SYT11: variants seen among roughly 807,000 people sequenced by gnomAD.
SYT11 encodes synaptotagmin 11, also known as synaptotagmin-11.
SYT11 carries 12 observed loss-of-function variants against 30.4 expected under a neutral mutation model. The ratio of observed to expected loss-of-function variants is 0.39; its 90% CI spans 0.25 to 0.64. The LOEUF (loss-of-function observed/expected upper bound fraction) is 0.64. Among genes scored for constraint, SYT11 ranks in the 30% least tolerant of loss-of-function variants. The pLI is 0.45. For missense variants in SYT11, 412 were observed against 552.0 expected, an observed-to-expected ratio of 0.75 and a Z score of 2.54; for synonymous variants, 204 against 216.0, an observed-to-expected ratio of 0.94 and a Z score of 0.49.
chr1:155,865,297 G>A (rs1672651396), intron 1 of SYT11, among the ~76,000 whole-genome samples: 1 of 152,160 alleles, frequency 6.6e-6, no homozygotes, highest in Non-Finnish European at 1.5e-5. Context: ...CGGGGCTCAC[G>A]ATAAGTGAAG....
At chr1:155,879,799 C>G (rs551825759) in intron 2 of SYT11, among the ~76,000 whole-genome samples, 1 of 152,358 alleles carries the variant, frequency 6.6e-6, no homozygotes, top group South Asian at 2.1e-4. Flanking sequence ...CTTATTTAAT[C>G]CTTCTGATAA....
At chr1:155,873,649 C>T (rs918070195) in intron 2 of SYT11, among the ~76,000 whole-genome samples, 2 of 152,082 alleles carry the variant, frequency 1.3e-5, no homozygotes, top group Admixed American at 6.6e-5. Context: ...AGATCAGTGC[C>T]GTCTAATGAT....
At chr1:155,874,059 A>G (rs1025443651) in intron 2 of SYT11, among the ~76,000 whole-genome samples, 1 of 151,778 alleles carries the variant, frequency 6.6e-6, no homozygotes, top group Non-Finnish European at 1.5e-5. Flanking sequence ...CCAGCACTTA[A>G]GGAGGCTGAG....
Position 155,881,571 on chromosome 1 carries a change from G to A in SYT11, c.*63G>A, listed in dbSNP as rs1280591243. 6.8e-7 allele frequency: 1 copy of A among 1,473,114 alleles called. No homozygotes were observed. Among genetic ancestry groups the A allele is most frequent in the African/African-American group, 1.4e-5 (1 of 70,770 alleles). 91.3% of individuals were successfully genotyped at this position (1,473,114 alleles called of 1,614,324 possible). A position where few individuals can be genotyped will look rare whatever the true frequency, so the allele number is the denominator to read the frequency against. On this transcript the variant is annotated 3_prime_UTR_variant, in exon 4 of 4. Transcript: ENST00000368324. ...TGGGGAGGGATGTGGAGGGGAAAAA[G>A]ATGACAGAGAAGTGGACTCCAAACC... is the stretch of plus-strand genomic sequence containing the variant.
intron 2 of SYT11, among the ~76,000 whole-genome samples, chr1:155,873,276 A>C (rs1425583062): frequency 6.6e-6 from 1 of 152,124 alleles, no homozygotes; most frequent in South Asian, 2.1e-4. Flanking sequence ...AAATACAAAA[A>C]TTAGCTGGGC....
At chr1:155,867,279 G>A (rs1324943758) in intron 1 of SYT11, among the ~76,000 whole-genome samples, 5 of 152,016 alleles carry the variant, frequency 3.3e-5, no homozygotes, top group Admixed American at 2.6e-4. Context: ...GTCTGGTCTT[G>A]AACTCCTGAC....
At chr1:155,862,451 A>G (rs1672608229) in intron 1 of SYT11, among the ~76,000 whole-genome samples, 2 of 152,206 alleles carry the variant, frequency 1.3e-5, no homozygotes, top group African/African-American at 4.8e-5. Context: ...AACAGCAAAA[A>G]TAGGAAACAA....
At position 155,864,947 on chromosome 1, in the gene SYT11, G is replaced by A. The variant is rs533519959; in HGVS notation, c.35-3018G>A. The stretch of plus-strand genomic sequence containing the variant: ...GCTGGTCTCGAACTCCTGACCTCAG[G>A]TGATCTGCCTACCTCAGCCTCCCAA... On this transcript the variant is annotated intron_variant, in intron 1 of 3. Transcript: ENST00000368324. Among the ~76,000 whole-genome samples the A allele has an allele frequency of 6.6e-4, 100 of 152,122 alleles. 1 individual carries two copies. Among genetic ancestry groups the A allele is most frequent in the Non-Finnish European group, 8.5e-4 (58 of 67,986 alleles).
chr1:155,870,452 T>C (rs1672763884), intron 2 of SYT11, among the ~76,000 whole-genome samples: 1 of 152,202 alleles, frequency 6.6e-6, no homozygotes, highest in Admixed American at 6.5e-5. Flanking sequence ...TTATATTTTG[T>C]TTTGACACAG....
At chr1:155,865,853 A>AT (rs1672663692) in intron 1 of SYT11, among the ~76,000 whole-genome samples, 2 of 151,180 alleles carry the variant, frequency 1.3e-5, no homozygotes, top group African/African-American at 4.9e-5. Context: ...AATTTTTGTA[A>AT]TTTTTTTGTG....
rs1216203825 is a variant in SYT11 at position 155,881,787 on chromosome 1, G to A, written c.*279G>A. The stretch of plus-strand genomic sequence containing the variant: ...CTTGTTGCCCGGGCTGGAGTGCAAT[G>A]GTGAGATCTCAACTCACTGCAACCT... On this transcript the variant is annotated 3_prime_UTR_variant, in exon 4 of 4. Transcript: ENST00000368324. 4.2e-6 allele frequency: 1 copy of A among 240,530 alleles called. No individual in the cohort carries two copies. Among genetic ancestry groups the A allele is most frequent in the Non-Finnish European group, 8.0e-6 (1 of 124,524 alleles). The allele number at this position is 240,530 out of a possible 1,614,324, so 14.9% of individuals were successfully genotyped here.
chr1:155,879,447 T>A (rs1188510686), intron 2 of SYT11, among the ~76,000 whole-genome samples: 1 of 151,474 alleles, frequency 6.6e-6, no homozygotes, highest in Admixed American at 6.6e-5. Flanking sequence ...GACTAGAGGT[T>A]TTTTCAAGCT....
chr1:155,880,585 G>C lies in SYT11; in HGVS notation c.947G>C (p.Arg316Thr). 1 of 1,614,112 alleles carries C rather than the reference G, an allele frequency of 6.2e-7. No individual in the cohort carries two copies. Among genetic ancestry groups the C allele is most frequent in the South Asian group, 1.1e-5 (1 of 91,082 alleles). Reference sequence around the variant, plus strand: ...ATGACAGTGGTGGTCCTCAAAGCCAGACACTTGCCGAAGATGGATATCACC... The same window carrying C: ...ATGACAGTGGTGGTCCTCAAAGCCACACACTTGCCGAAGATGGATATCACC... The part of the protein sequence containing the change: ...QRMTVVVLKA[R>T]HLPKMDITGL... Residue 316 changes from arginine to threonine, a missense_variant, in exon 3 of 4, where the codon AGA (arginine) becomes ACA (threonine). Coordinates refer to ENST00000368324, the MANE Select transcript of SYT11 (RefSeq NM_152280.5).
chr1:155,878,577 T>C (rs571104284), intron 2 of SYT11, among the ~76,000 whole-genome samples: 1 of 151,796 alleles, frequency 6.6e-6, no homozygotes, highest in African/African-American at 2.4e-5. Flanking sequence ...CTTCCCTGAA[T>C]CTCCATGGCC....
At chr1:155,859,824 A>G (rs1484344089) in intron 1 of SYT11, 29 bp downstream of exon 1, 8 of 1,611,598 alleles carry the variant, frequency 5.0e-6, no homozygotes, top group Non-Finnish European at 6.8e-6. Context: ...ACTAAGCTTG[A>G]GGTGGTCAGA....
Position 155,868,074 on chromosome 1 carries a change from G to T in SYT11, c.144G>T (p.Gln48His). Residue 48 changes from glutamine (Q) to histidine (H), a missense_variant, in exon 2 of 4, where the codon CAG becomes CAT. Gln to His is a conservative substitution (Grantham distance 24). Coordinates refer to ENST00000368324, the MANE Select transcript of SYT11 (RefSeq NM_152280.5). The surrounding 1 kb of genome is among the most constrained non-coding windows in gnomAD (Gnocchi z 4.7). Reference sequence around the variant, plus strand: ...GCCACCAGCAGGCAGAGAAGAAGCAGAAGAACCCACCATACAAGTTTATTC... The same window carrying T: ...GCCACCAGCAGGCAGAGAAGAAGCATAAGAACCCACCATACAAGTTTATTC... The part of the protein sequence containing the change: ...SCCHQQAEKK[Q>H]KNPPYKFIHM... 1.9e-6 allele frequency: 3 copies of T among 1,613,972 alleles called. No individual in the cohort carries two copies. Among genetic ancestry groups the T allele is most frequent in the South Asian group, 1.1e-5 (1 of 91,062 alleles).
rs1408308042 is a variant in SYT11, at chr1:155,867,983, C to A, written c.53C>A (p.Ala18Asp). The change falls in exon 2 of 4, where the codon GCC (alanine) becomes GAC (aspartate). Residue 18 changes from alanine to aspartate, a missense_variant. Transcript: ENST00000368324. ...CCTTCAGATGTGTCACCGGTGGTGG[C>A]CGGCCTCATCGGGGCCTCTGTGCTG... ...RPSFDVSPVV[A>D]GLIGASVLVV... The A allele has an allele frequency of 1.4e-5, 23 of 1,609,960 alleles. No homozygotes were observed. Among genetic ancestry groups the A allele is most frequent in the Non-Finnish European group, 2.0e-5 (23 of 1,178,722 alleles).
At chr1:155,867,081 G>A (rs1181486061) in intron 1 of SYT11, among the ~76,000 whole-genome samples, 2 of 144,998 alleles carry the variant, frequency 1.4e-5, no homozygotes, top group Non-Finnish European at 3.0e-5. Flanking sequence ...TTTTTGAGAC[G>A]AAGTCTTGCT....
At chr1:155,862,470 G>A (rs1672608737) in intron 1 of SYT11, among the ~76,000 whole-genome samples, 1 of 152,066 alleles carries the variant, frequency 6.6e-6, no homozygotes, top group South Asian at 2.1e-4. Flanking sequence ...AAGGCCAGGG[G>A]GAACAACTAG....
Sources: gnomAD v4.1 joint callset for allele counts (sites outside exome capture counted in the v4.1 genomes callset) on GRCh38, gnomAD v4.1.1 for gene constraint, Gnocchi (gnomAD v3.1) non-coding constraint, MANE v1.5 for transcripts, NCBI Gene and HGNC (gene_info 2026-07-23, HGNC 2026-07-21) for gene names.